The following CWC27 variants were observed in gnomAD, a reference collection of about 807,000 sequenced individuals.
CWC27 encodes the protein spliceosome-associated protein CWC27 homolog.
Under a neutral mutation model 63.6 loss-of-function variants are expected in CWC27, and 47 were observed. The ratio of observed to expected loss-of-function variants is 0.74; its 90% CI spans 0.58 to 0.94. The LOEUF is 0.94. CWC27 is among the 40% of genes least tolerant of loss of function. The pLI is 0.00. For synonymous variants in CWC27, 175 were observed against 179.8 expected (o/e 0.97, Z 0.22); for missense variants, 495 against 554.3 (o/e 0.89, Z 1.07).
At chr5:64,806,489 C>A (rs1202310218) in intron 10 of CWC27, among the ~76,000 whole-genome samples, 1 of 152,164 alleles carries the variant, frequency 6.6e-6, no homozygotes, top group Non-Finnish European at 1.5e-5. Flanking sequence ...TGTTCCCCCA[C>A]ATTTTCATTA....
chr5:64,912,285 A>G (rs1326597920), intron 11 of CWC27, among the ~76,000 whole-genome samples: 1 of 152,118 alleles, frequency 6.6e-6, no homozygotes, highest in Non-Finnish European at 1.5e-5. Flanking sequence ...TGTGGGCCCA[A>G]CACACAATAA....
intron 11 of CWC27, among the ~76,000 whole-genome samples, chr5:64,894,875 A>G (rs577723399): frequency 9.2e-5 from 14 of 152,338 alleles, no homozygotes; most frequent in Admixed American, 2.0e-4. Context: ...GGTTTTCCCA[A>G]GGTAGCGAGG....
chr5:65,001,666 T>A (rs540059440), intron 13 of CWC27, among the ~76,000 whole-genome samples: 1 of 152,236 alleles, frequency 6.6e-6, no homozygotes, highest in African/African-American at 2.4e-5. Context: ...CTGGGATGAA[T>A]CCCACTTGAT....
intron 2 of CWC27, among the ~76,000 whole-genome samples, chr5:64,779,424 A>C (rs551575065): frequency 6.6e-6 from 1 of 152,342 alleles, no homozygotes; most frequent in South Asian, 2.1e-4. Context: ...TTCATACTAC[A>C]TATGTTTTCC....
At chr5:64,972,433 T>C (rs2968198) in intron 12 of CWC27, among the ~76,000 whole-genome samples, 69,034 of 151,810 alleles carry the variant, frequency 0.45, 15,865 homozygotes, top group African/African-American at 0.5. Flanking sequence ...GCCCTTCATG[T>C]TGAAAAGTTA....
chr5:65,000,490 G>C (rs557869311), intron 13 of CWC27, among the ~76,000 whole-genome samples: 105 of 152,118 alleles, frequency 6.9e-4, no homozygotes, highest in African/African-American at 2.5e-3. Flanking sequence ...TTCATTTTGA[G>C]TTGATTTTTG....
chr5:64,815,965 T>C (rs1745015270), intron 10 of CWC27, among the ~76,000 whole-genome samples: 1 of 152,162 alleles, frequency 6.6e-6, no homozygotes, highest in Admixed American at 6.6e-5. Flanking sequence ...ATAGGGGAGT[T>C]GTATAGAATC....
chr5:64,993,937 T>C (rs2112460548), intron 13 of CWC27, among the ~76,000 whole-genome samples: 1 of 152,282 alleles, frequency 6.6e-6, no homozygotes, highest in Admixed American at 6.5e-5. Flanking sequence ...ACCCCAGTAG[T>C]AGGATTTCAG....
intron 10 of CWC27, among the ~76,000 whole-genome samples, chr5:64,861,909 G>A (rs564687184): frequency 2.6e-5 from 4 of 152,224 alleles, no homozygotes; most frequent in Admixed American, 6.5e-5. Context: ...ATATGATAAC[G>A]ATTTTAATAC....
chr5:64,864,312 C>A (rs1270826741), intron 10 of CWC27, among the ~76,000 whole-genome samples: 1 of 152,170 alleles, frequency 6.6e-6, no homozygotes, highest in East Asian at 1.9e-4. Flanking sequence ...GATTTAGAGT[C>A]CTGGGCAAGA....
rs572493730 is a variant in CWC27 at position 64,989,030 on chromosome 5, G to C, written c.1256+11792G>C. ...TCCTCAATACCTTCTATTGTCGTGG[G>C]CCTCCCCTTTTCTTCCTCCAGCCAG... On this transcript the variant is annotated intron_variant, in intron 13 of 13. Coordinates refer to ENST00000381070, the MANE Select transcript of CWC27 (RefSeq NM_005869.4). Among the ~76,000 whole-genome samples, 13 of 152,228 alleles carry C rather than the reference G, an allele frequency of 8.5e-5. 1 individual carries two copies. In the South Asian group the frequency reaches 2.1e-3, roughly 24 times the overall value.
intron 11 of CWC27, among the ~76,000 whole-genome samples, chr5:64,942,474 C>CT (rs1748504367): frequency 7.4e-6 from 1 of 135,252 alleles, no homozygotes; most frequent in Non-Finnish European, 1.6e-5. Context: ...AAAAGAAAAA[C>CT]ATTGCAATAG....
chr5:64,839,313 TGAA>T (rs1419438322), intron 10 of CWC27, among the ~76,000 whole-genome samples: 2 of 152,146 alleles, frequency 1.3e-5, no homozygotes, highest in African/African-American at 2.4e-5. Flanking sequence ...CATTCAAGAA[TGAA>T]GAAGATGAGA....
chr5:64,961,091 G>A (rs918813985), intron 11 of CWC27, among the ~76,000 whole-genome samples: 3 of 152,190 alleles, frequency 2.0e-5, no homozygotes, highest in Admixed American at 6.5e-5. Flanking sequence ...AGAGACTCAA[G>A]TGGATTGAAG....
intron 11 of CWC27, among the ~76,000 whole-genome samples, chr5:64,967,556 T>C (rs1322529753): frequency 6.6e-6 from 1 of 151,890 alleles, no homozygotes; most frequent in Non-Finnish European, 1.5e-5. Flanking sequence ...CAAGACAGTA[T>C]ACTACTGGCA....
intron 11 of CWC27, among the ~76,000 whole-genome samples, chr5:64,945,953 A>G (rs538404193): frequency 3.9e-5 from 6 of 152,228 alleles, no homozygotes; most frequent in South Asian, 4.1e-4. Flanking sequence ...ATAATAATTG[A>G]TAAGTTTGTT....
intron 11 of CWC27, among the ~76,000 whole-genome samples, chr5:64,963,488 T>C (rs988041302): frequency 2.6e-5 from 4 of 152,190 alleles, no homozygotes; most frequent in Admixed American, 2.0e-4. Context: ...ATGCTGATGA[T>C]TAAATTATGA....
intron 11 of CWC27, among the ~76,000 whole-genome samples, chr5:64,902,596 A>G (rs1288492022): frequency 6.6e-6 from 1 of 152,132 alleles, no homozygotes; most frequent in Non-Finnish European, 1.5e-5. Context: ...CTATTTATCT[A>G]TGTTTACAGG....
At chr5:64,827,931 T>G (rs1006117730) in intron 10 of CWC27, among the ~76,000 whole-genome samples, 1 of 152,202 alleles carries the variant, frequency 6.6e-6, no homozygotes, top group African/African-American at 2.4e-5. Flanking sequence ...CGTTCCTTTG[T>G]GCAATGTATC....
Sources: gnomAD v4.1 joint callset for allele counts (sites outside exome capture counted in the v4.1 genomes callset) on GRCh38, gnomAD v4.1.1 for gene constraint, MANE v1.5 for transcripts, NCBI Gene and HGNC (gene_info 2026-07-23, HGNC 2026-07-21) for gene names.